AOX1: variants seen among roughly 807,000 people sequenced by gnomAD.
AOX1 encodes the protein aldehyde oxidase.
In AOX1, 153 loss-of-function variants were observed where a neutral mutation model predicts 169.5. That is an observed-to-expected ratio of 0.90 (90% CI 0.79 to 1.03). The LOEUF (loss-of-function observed/expected upper bound fraction) is 1.03. Among genes scored for constraint, AOX1 ranks in the 50% least tolerant of loss-of-function variants. AOX1 has a pLI of 0.00. For missense variants in AOX1, 1,656 were observed against 1,663.9 expected, an observed-to-expected ratio of 1.00 and a Z score of 0.08; for synonymous variants, 562 against 581.9, an observed-to-expected ratio of 0.97 and a Z score of 0.49.
At chr2:200,673,456 A>G (rs754987769), downstream of AOX1, among the ~76,000 whole-genome samples, 8 of 152,098 alleles carry the variant, frequency 5.3e-5, no homozygotes, top group Admixed American at 4.6e-4. Flanking sequence ...AATCCTGTCA[A>G]TCCCACATCA....
At chr2:200,623,307 A>AC (rs1022971282) in intron 18 of AOX1, among the ~76,000 whole-genome samples, 11 of 151,910 alleles carry the variant, frequency 7.2e-5, no homozygotes, top group African/African-American at 1.9e-4. Context: ...CTAGCTGTCA[A>AC]CCCCCCCAGG....
At chr2:200,595,815 C>T (rs2034271621) in intron 3 of AOX1, among the ~76,000 whole-genome samples, 1 of 152,200 alleles carries the variant, frequency 6.6e-6, no homozygotes, top group Non-Finnish European at 1.5e-5. Context: ...TATTACTCTT[C>T]CAGCCCCTAA....
intron 17 of AOX1, 92 bp downstream of exon 17, chr2:200,620,911 T>C: frequency 2.1e-6 from 3 of 1,429,698 alleles, no homozygotes; most frequent in South Asian, 1.3e-5. Context: ...AGAAATAGGC[T>C]ATTTGTTGGT....
At chr2:200,617,069 G>A (rs1432325161) in intron 16 of AOX1, among the ~76,000 whole-genome samples, 1 of 152,082 alleles carries the variant, frequency 6.6e-6, no homozygotes, top group East Asian at 1.9e-4. Flanking sequence ...TTAGACAATG[G>A]AATAAACTTC....
At chr2:200,606,822 A>C (rs2034527086) in intron 10 of AOX1, among the ~76,000 whole-genome samples, 1 of 152,120 alleles carries the variant, frequency 6.6e-6, no homozygotes, top group South Asian at 2.1e-4. Flanking sequence ...TGATTTTTGC[A>C]CATTGATTTT....
intron 26 of AOX1, 133 bp downstream of exon 26, chr2:200,651,334 C>A: frequency 1.3e-6 from 1 of 744,674 alleles, no homozygotes; most frequent in Non-Finnish European, 2.2e-6. Context: ...TTCACAAAAG[C>A]CACCAAAGTC....
chr2:200,595,020 A>T (rs919046360), intron 2 of AOX1, among the ~76,000 whole-genome samples: 5 of 152,170 alleles, frequency 3.3e-5, no homozygotes, highest in African/African-American at 9.7e-5. Context: ...GTTCAGCCCT[A>T]TTTTTGGCAA....
At position 200,647,190 on chromosome 2, in the gene AOX1, C is replaced by G. The variant is rs563479151; in HGVS notation, c.2848-3784C>G. 2.0e-5 allele frequency among the ~76,000 whole-genome samples: 3 copies of G among 152,162 alleles called. No individual in the cohort carries two copies. In the East Asian group the frequency reaches 5.8e-4, roughly 29 times the overall value. On this transcript the variant is annotated intron_variant, in intron 25 of 34. Transcript: ENST00000374700. ...TTTATGTTTTATAGGTCCTATGTGA[C>G]TTATGCTTTAAAGAAGTTCTGTTTT... is the stretch of plus-strand genomic sequence containing the variant.
chr2:200,654,763 A>G (rs1398036530), intron 26 of AOX1, among the ~76,000 whole-genome samples: 1 of 152,200 alleles, frequency 6.6e-6, no homozygotes, highest in Non-Finnish European at 1.5e-5. Flanking sequence ...TCCTCTACTT[A>G]TGTTGGAGGA....
downstream of AOX1, among the ~76,000 whole-genome samples, chr2:200,672,548 T>C (rs927189004): frequency 1.3e-5 from 2 of 152,220 alleles, no homozygotes; most frequent in African/African-American, 4.8e-5. Flanking sequence ...TTTTACTCTG[T>C]GCCAGGCACT....
intron 33 of AOX1, 24 bp downstream of exon 33, chr2:200,668,827 T>C (rs1266717308): frequency 6.3e-7 from 1 of 1,596,412 alleles, no homozygotes; most frequent in Non-Finnish European, 8.6e-7. Flanking sequence ...TATGGGTAAA[T>C]ATGCATGTTT....
intron 25 of AOX1, among the ~76,000 whole-genome samples, chr2:200,643,332 T>C (rs1358176232): frequency 6.6e-6 from 1 of 151,624 alleles, no homozygotes; most frequent in Admixed American, 6.6e-5. Flanking sequence ...CATCACCCGA[T>C]GGGTGTATGT....
intron 23 of AOX1, among the ~76,000 whole-genome samples, chr2:200,639,587 T>C (rs1355720263): frequency 6.6e-6 from 1 of 152,214 alleles, no homozygotes; most frequent in Non-Finnish European, 1.5e-5. Flanking sequence ...CAGAAAGATT[T>C]GTTACAGTAA....
chr2:200,657,194 T>TC (rs1178985811), intron 27 of AOX1, among the ~76,000 whole-genome samples: 2 of 97,086 alleles, frequency 2.1e-5, no homozygotes, highest in East Asian at 5.3e-4. Flanking sequence ...ATATATATTT[T>TC]TTTTTTTTTT....
At chr2:200,619,653 A>G (rs549367178) in intron 16 of AOX1, among the ~76,000 whole-genome samples, 3 of 152,342 alleles carry the variant, frequency 2.0e-5, no homozygotes, top group African/African-American at 7.2e-5. Context: ...GTCTGCTTTG[A>G]TTAATGAAAC....
At chr2:200,679,997 C>T (rs2036139041), downstream of AOX1, among the ~76,000 whole-genome samples, 1 of 152,110 alleles carries the variant, frequency 6.6e-6, no homozygotes, top group Non-Finnish European at 1.5e-5. Flanking sequence ...GGGAGGATCA[C>T]AAGCCCAAGA....
intron 25 of AOX1, among the ~76,000 whole-genome samples, chr2:200,643,449 A>C (rs2035395891): frequency 6.6e-6 from 1 of 151,518 alleles, no homozygotes; most frequent in Non-Finnish European, 1.5e-5. Flanking sequence ...TTCTTTATCC[A>C]CTCATTGATT....
Position 200,632,591 on chromosome 2 carries a change from G to C in AOX1, c.2222-2200G>C, listed in dbSNP as rs559753854. Among the ~76,000 whole-genome samples, 25 of 151,378 alleles carry C rather than the reference G, an allele frequency of 1.7e-4. No homozygotes were observed. The South Asian group carries it at 5.0e-3, about 30-fold the overall frequency. On this transcript the variant is annotated intron_variant, in intron 20 of 34. Transcript: ENST00000374700. ...ATATACTGGTATTTTTATTATTTCT[G>C]TTGTTCTTTCTTCCTTCCTGATATT...
At chr2:200,617,556 TCA>T (rs2034789296) in intron 16 of AOX1, among the ~76,000 whole-genome samples, 1 of 151,324 alleles carries the variant, frequency 6.6e-6, no homozygotes, top group Non-Finnish European at 1.5e-5. Flanking sequence ...GAATTTTTCC[TCA>T]GTTTTTTGGC....
Sources: allele counts gnomAD v4.1 joint callset (sites outside exome capture counted in the v4.1 genomes callset), GRCh38; gene constraint gnomAD v4.1.1; transcripts MANE v1.5; gene names NCBI Gene and HGNC (gene_info 2026-07-23, HGNC 2026-07-21).